ZFAT: variants seen among roughly 807,000 people sequenced by gnomAD.
The protein encoded by ZFAT is zinc finger and AT-hook domain containing.
In ZFAT, 64 loss-of-function variants were observed where a neutral mutation model predicts 117.7. The ratio of observed to expected loss-of-function variants is 0.54; its 90% confidence interval spans 0.44 to 0.67. ZFAT has a LOEUF of 0.67. ZFAT is among the 30% of genes least tolerant of loss of function. ZFAT has a pLI of 0.00. For synonymous variants in ZFAT, 679 were observed against 615.0 expected (o/e 1.10, Z -1.54); for missense variants, 1,433 against 1,584.5 (o/e 0.90, Z 1.62).
intron 14 of ZFAT, 27 bp downstream of exon 14, chr8:134,512,448 T>C (rs780997843): frequency 1.9e-6 from 3 of 1,610,916 alleles, no homozygotes; most frequent in Non-Finnish European, 2.5e-6. Context: ...AGTTCTGAGA[T>C]GGCAAAGGAA....
chr8:134,736,724 T>C, the ZFAT span, among the ~76,000 whole-genome samples: 1 of 151,966 alleles, frequency 6.6e-6, no homozygotes, highest in East Asian at 1.9e-4. Flanking sequence ...GCCTCCTGAG[T>C]AGTGGGGTGC....
the ZFAT span, among the ~76,000 whole-genome samples, chr8:134,755,706 G>T: frequency 6.6e-6 from 1 of 151,412 alleles, no homozygotes; most frequent in Non-Finnish European, 1.5e-5. Context: ...TAGCTACTTG[G>T]GAGGCTGAGG....
chr8:134,646,082 G>A (rs557651667), intron 2 of ZFAT, among the ~76,000 whole-genome samples: 230 of 152,118 alleles, frequency 1.5e-3, no homozygotes, highest in Middle Eastern at 3.4e-3. Context: ...GGTGGCGGGC[G>A]CCTGTAGTCC....
chr8:134,565,135 C>T, intron 11 of ZFAT, 198 bp downstream of exon 11: 2 of 1,523,034 alleles, frequency 1.3e-6, no homozygotes, highest in Non-Finnish European at 1.8e-6. Context: ...TTCCAAATTA[C>T]AGAGCAATGC....
At chr8:134,665,372 A>G (rs6982395) in intron 1 of ZFAT, among the ~76,000 whole-genome samples, 52,544 of 152,000 alleles carry the variant, frequency 0.35, 9,455 homozygotes, top group South Asian at 0.43. Flanking sequence ...CTGGAGTCAC[A>G]GATGCTCACA....
At chr8:134,827,748 AC>A in the ZFAT span, among the ~76,000 whole-genome samples, 52 of 150,802 alleles carry the variant, frequency 3.4e-4, no homozygotes, top group Admixed American at 2.1e-3. Context: ...AGCCTGGGTG[AC>A]AGAGTGAGAC....
At chr8:134,734,936 G>A in the ZFAT span, among the ~76,000 whole-genome samples, 4 of 152,216 alleles carry the variant, frequency 2.6e-5, no homozygotes, top group Admixed American at 1.3e-4. Flanking sequence ...TTGCTGCTCC[G>A]TTCCTCTCAA....
the ZFAT span, among the ~76,000 whole-genome samples, chr8:134,734,328 C>T: frequency 6.6e-6 from 1 of 152,146 alleles, no homozygotes; most frequent in East Asian, 1.9e-4. Context: ...TCAGGCTGTT[C>T]CTATACCCTT....
intron 10 of ZFAT, among the ~76,000 whole-genome samples, chr8:134,580,558 G>A (rs959626907): frequency 1.3e-5 from 2 of 152,162 alleles, no homozygotes; most frequent in Non-Finnish European, 1.5e-5. Context: ...ATAACTAAAT[G>A]AGAAAAACTA....
chr8:134,690,540 T>G (rs1361128250), intron 1 of ZFAT, among the ~76,000 whole-genome samples: 11 of 152,152 alleles, frequency 7.2e-5, no homozygotes, highest in Non-Finnish European at 1.5e-4. Flanking sequence ...TTGGGCTCAG[T>G]TATATAAAAT....
intron 7 of ZFAT, among the ~76,000 whole-genome samples, chr8:134,593,556 C>T (rs991632711): frequency 9.2e-5 from 14 of 152,128 alleles, no homozygotes; most frequent in African/African-American, 2.7e-4. Context: ...TTTGCTCTGA[C>T]GGAAATGGCC....
the ZFAT span, among the ~76,000 whole-genome samples, chr8:134,749,680 A>C: frequency 1.3e-5 from 2 of 152,194 alleles, no homozygotes; most frequent in Non-Finnish European, 2.9e-5. Flanking sequence ...AAGGAATAAA[A>C]TCTCAATGTT....
At chr8:134,648,726 C>T (rs1831040329) in intron 2 of ZFAT, among the ~76,000 whole-genome samples, 2 of 151,986 alleles carry the variant, frequency 1.3e-5, no homozygotes, top group South Asian at 4.2e-4. Context: ...AGAATTAACA[C>T]CAATACTTAA....
chr8:134,606,783 T>C (rs1052940012), intron 5 of ZFAT, among the ~76,000 whole-genome samples: 4 of 142,390 alleles, frequency 2.8e-5, no homozygotes, highest in Non-Finnish European at 6.2e-5. Flanking sequence ...CGCTATAAAA[T>C]ATAAACTCAA....
At chr8:134,647,459 A>G (rs1407069414) in intron 2 of ZFAT, among the ~76,000 whole-genome samples, 1 of 152,216 alleles carries the variant, frequency 6.6e-6, no homozygotes, top group African/African-American at 2.4e-5. Flanking sequence ...CTCCTCTAAG[A>G]TCAGGAATAG....
Position 134,478,409 on chromosome 8 carries a change from G to T in ZFAT, c.*73C>A. The T allele has an allele frequency of 1.3e-6, 2 of 1,511,122 alleles. No homozygotes were observed. The highest frequency in any genetic ancestry group is 1.8e-6 in the Non-Finnish European group (2 of 1,127,688). The allele number at this position is 1,511,122 out of a possible 1,614,324, so 93.6% of individuals were successfully genotyped here. ...ACCATTCTGCGGGTAGGGCAGGAAG[G>T]GTGGCCTCCCCACCCTGGGTGCCTG... On this transcript the variant is annotated 3_prime_UTR_variant, in exon 16 of 16. Transcript: ENST00000377838. The surrounding 1 kb of genome is among the most constrained non-coding windows in gnomAD (Gnocchi z 5.2).
intron 15 of ZFAT, among the ~76,000 whole-genome samples, chr8:134,493,393 C>G (rs1393558653): frequency 6.6e-6 from 1 of 152,212 alleles, no homozygotes; most frequent in African/African-American, 2.4e-5. Flanking sequence ...TGCAGGCTTC[C>G]TGGCCTCAGT....
the ZFAT span, among the ~76,000 whole-genome samples, chr8:134,808,901 C>T: frequency 2.0e-5 from 3 of 152,294 alleles, no homozygotes; most frequent in South Asian, 4.1e-4. Flanking sequence ...ATTATCAAAT[C>T]AAAGTTTGCC....
In ZFAT at chr8:134,603,666, C is replaced by G. The variant is rs145952419; in HGVS notation, c.786-733G>C. Among the ~76,000 whole-genome samples, 654 of 152,338 alleles carry G rather than the reference C, an allele frequency of 4.3e-3. 5 individuals carry two copies. The highest frequency in any genetic ancestry group is 0.015 in the African/African-American group (617 of 41,580). ...TGACTTCAGAGCAGGACCTAAGTCA[C>G]GAGCTGAGCTCTGCCTATTTCTGTT... is the stretch of plus-strand genomic sequence containing the variant. On this transcript the variant is annotated intron_variant, in intron 5 of 15. Transcript: ENST00000377838.
Sources: allele counts gnomAD v4.1 joint callset (sites outside exome capture counted in the v4.1 genomes callset), GRCh38; gene constraint gnomAD v4.1.1; non-coding constraint Gnocchi (gnomAD v3.1); transcripts MANE v1.5; gene names NCBI Gene and HGNC (gene_info 2026-07-23, HGNC 2026-07-21).